GSE1: variants seen among roughly 807,000 people sequenced by gnomAD.
GSE1 encodes genetic suppressor element 1.
GSE1 carries 32 observed loss-of-function variants against 112.6 expected under a neutral mutation model. The observed-to-expected ratio is 0.28, with a 90% CI of 0.21 to 0.38. The LOEUF (loss-of-function observed/expected upper bound fraction) is 0.38. Ranked by LOEUF, GSE1 falls within the 10% of genes least tolerant of loss-of-function variation. GSE1 has a pLI of 1.00. For missense variants in GSE1, 2,348 were observed against 1,699.2 expected, an observed-to-expected ratio of 1.38 and a Z score of -6.71; for synonymous variants, 1,115 against 735.6, an observed-to-expected ratio of 1.52 and a Z score of -8.35.
chr16:85,345,670 T>G (rs1236962946), intron 1 of GSE1, among the ~76,000 whole-genome samples: 1 of 152,228 alleles, frequency 6.6e-6, no homozygotes, highest in Non-Finnish European at 1.5e-5. Context: ...TTTGTCCTTA[T>G]GGCACTTCCT....
At chr16:85,400,159 G>C (rs978337629) in intron 2 of GSE1, among the ~76,000 whole-genome samples, 4 of 152,218 alleles carry the variant, frequency 2.6e-5, no homozygotes, top group Non-Finnish European at 5.9e-5. Flanking sequence ...CAAAAAAACG[G>C]AGAATGATCC....
chr16:85,285,345 G>A (rs1213419835), intron 1 of GSE1: 1 of 152,184 alleles, frequency 6.6e-6, no homozygotes, highest in Non-Finnish European at 1.5e-5. Flanking sequence ...TCAAAGTGGG[G>A]TCTGTACACC....
upstream of GSE1, among the ~76,000 whole-genome samples, chr16:85,607,317 A>T (rs191567170): frequency 3.7e-4 from 56 of 152,294 alleles, 1 homozygote; most frequent in East Asian, 9.8e-3. Context: ...TTAGAAAAAT[A>T]AAAGCCAGCA....
At chr16:85,255,412 CTTTT>C (rs869059709) in intron 1 of GSE1, among the ~76,000 whole-genome samples, 1 of 141,104 alleles carries the variant, frequency 7.1e-6, no homozygotes, top group Non-Finnish European at 1.5e-5. Flanking sequence ...TCAGTGCCTA[CTTTT>C]TTTTTTTTTT....
At chr16:85,510,022 A>G (rs2051678375) in intron 2 of GSE1, among the ~76,000 whole-genome samples, 1 of 152,214 alleles carries the variant, frequency 6.6e-6, no homozygotes, top group Admixed American at 6.5e-5. Flanking sequence ...ATGTGACTCC[A>G]AAGAGAGAGG....
intron 1 of GSE1, among the ~76,000 whole-genome samples, chr16:85,349,970 G>A (rs902998979): frequency 6.6e-6 from 1 of 152,190 alleles, no homozygotes; most frequent in African/African-American, 2.4e-5. Context: ...GACACTGTGC[G>A]GGGACTAGGT....
At chr16:85,331,864 G>A (rs1331176173) in intron 1 of GSE1, among the ~76,000 whole-genome samples, 1 of 151,894 alleles carries the variant, frequency 6.6e-6, no homozygotes, top group Non-Finnish European at 1.5e-5. Flanking sequence ...TGTCTTTGCA[G>A]TGCTCCTGAG....
At chr16:85,423,761 T>G (rs777918917) in intron 2 of GSE1, among the ~76,000 whole-genome samples, 1 of 152,134 alleles carries the variant, frequency 6.6e-6, no homozygotes, top group African/African-American at 2.4e-5. Flanking sequence ...TGTCCATCCA[T>G]CCACTCTCCC....
chr16:85,364,584 C>T (rs897467892), intron 2 of GSE1, among the ~76,000 whole-genome samples: 2 of 152,138 alleles, frequency 1.3e-5, no homozygotes, highest in African/African-American at 4.8e-5. Flanking sequence ...CTCAGGATCC[C>T]GGATTCTCTT....
chr16:85,296,479 C>T (rs947764148), intron 1 of GSE1, among the ~76,000 whole-genome samples: 4 of 152,060 alleles, frequency 2.6e-5, no homozygotes, highest in African/African-American at 7.2e-5. Context: ...TGGTGGTGCA[C>T]ACCTGTAATC....
chr16:85,240,067 C>T (rs1265326264), intron 1 of GSE1, among the ~76,000 whole-genome samples: 1 of 152,264 alleles, frequency 6.6e-6, no homozygotes, highest in East Asian at 1.9e-4. Context: ...GCCGCCAGTG[C>T]GTGGCTTTAA....
intron 2 of GSE1, among the ~76,000 whole-genome samples, chr16:85,397,405 A>G (rs1010046396): frequency 1.7e-4 from 26 of 152,222 alleles, no homozygotes; most frequent in African/African-American, 5.8e-4. Context: ...TGTGTCCCCA[A>G]GGCAAGGCAG....
At chr16:85,174,917 C>T (rs2074429967) in intron 1 of GSE1, among the ~76,000 whole-genome samples, 1 of 152,150 alleles carries the variant, frequency 6.6e-6, no homozygotes, top group Non-Finnish European at 1.5e-5. Flanking sequence ...ATCTTCCCAT[C>T]TGTCTTTTGG....
Position 85,408,349 on chromosome 16 carries a change from T to A in GSE1, c.2464+50706T>A, listed in dbSNP as rs368412118. On this transcript the variant is annotated intron_variant, in intron 2 of 2. Coordinates refer to the GSE1 transcript ENST00000637419. Reference sequence around the variant, plus strand: ...CCCCCCGGATAATCCTCACTGTTACTCTCAGGCCCCCCGGATAATCCTCAC... The same window carrying A: ...CCCCCCGGATAATCCTCACTGTTACACTCAGGCCCCCCGGATAATCCTCAC... 3.2e-3 allele frequency among the ~76,000 whole-genome samples: 14 copies of A among 4,422 alleles called. 1 individual carries two copies. The highest frequency in any genetic ancestry group is 3.7e-3 in the Non-Finnish European group (11 of 2,934). 2.9% of individuals were successfully genotyped at this position (4,422 alleles called of 152,430 possible).
chr16:85,381,020 C>T (rs1597544479), intron 2 of GSE1, among the ~76,000 whole-genome samples: 1 of 152,252 alleles, frequency 6.6e-6, no homozygotes, highest in African/African-American at 2.4e-5. Context: ...CTTCACAGTG[C>T]TGTGCAAACA....
At chr16:85,511,459 C>T (rs557451366) in intron 2 of GSE1, among the ~76,000 whole-genome samples, 44 of 148,550 alleles carry the variant, frequency 3.0e-4, no homozygotes, top group African/African-American at 1.1e-3. Context: ...ACCCAGGAGG[C>T]GGAGGTTGCA....
chr16:85,465,088 C>G (rs1440478555), intron 2 of GSE1, among the ~76,000 whole-genome samples: 1 of 152,266 alleles, frequency 6.6e-6, no homozygotes. Flanking sequence ...CGCCCCCAGC[C>G]AGCCATCTGT....
At chr16:85,488,993 A>G (rs948369764) in intron 2 of GSE1, among the ~76,000 whole-genome samples, 1 of 152,054 alleles carries the variant, frequency 6.6e-6, no homozygotes, top group African/African-American at 2.4e-5. Context: ...TTCCCGCTCC[A>G]TGAGGCAACA....
chr16:85,274,016 A>G, intron 1 of GSE1, among the ~76,000 whole-genome samples: 1 of 150,510 alleles, frequency 6.6e-6, no homozygotes. Flanking sequence ...TTTTGGGGTG[A>G]TGAAAAAGTT....
Sources: gnomAD v4.1 joint callset for allele counts (sites outside exome capture counted in the v4.1 genomes callset) on GRCh38, gnomAD v4.1.1 for gene constraint, MANE v1.5 for transcripts, NCBI Gene and HGNC (gene_info 2026-07-23, HGNC 2026-07-21) for gene names.